GRAMD1B: variants seen among roughly 807,000 people sequenced by gnomAD.
The protein encoded by GRAMD1B is GRAM domain containing 1B.
A neutral mutation model predicts 99.7 loss-of-function variants in GRAMD1B; 37 were observed. The ratio of observed to expected loss-of-function variants is 0.37; its 90% CI spans 0.29 to 0.49. The LOEUF is 0.49. Ranked by LOEUF, GRAMD1B falls within the 20% of genes least tolerant of loss-of-function variation. The pLI is 0.98. For synonymous variants in GRAMD1B, 427 were observed against 387.6 expected (o/e 1.10, Z -1.19); for missense variants, 888 against 1,009.2 (o/e 0.88, Z 1.63).
At chr11:123,438,895 G>A (rs1025290784) in intron 1 of GRAMD1B, among the ~76,000 whole-genome samples, 1 of 152,212 alleles carries the variant, frequency 6.6e-6, no homozygotes, top group Admixed American at 6.5e-5. Flanking sequence ...GACCCCAGTG[G>A]GCAAACTGCT....
At chr11:123,441,292 C>T (rs890506282) in intron 1 of GRAMD1B, among the ~76,000 whole-genome samples, 2 of 152,068 alleles carry the variant, frequency 1.3e-5, no homozygotes, top group Non-Finnish European at 2.9e-5. Context: ...GAGATCCTCC[C>T]CCACAGCCCA....
At chr11:123,491,957 C>G (rs1483578631) in intron 2 of GRAMD1B, 4 of 399,162 alleles carry the variant, frequency 1.0e-5, no homozygotes. Flanking sequence ...TTCTGCGAGC[C>G]AAGTAGGTGG....
intron 1 of GRAMD1B, among the ~76,000 whole-genome samples, chr11:123,462,174 A>G (rs570549192): frequency 2.9e-4 from 44 of 151,176 alleles, no homozygotes; most frequent in East Asian, 7.9e-4. Context: ...TCACCATGTT[A>G]GCCAGGATGG....
At chr11:123,513,578 T>TC (rs1941298513) in intron 2 of GRAMD1B, among the ~76,000 whole-genome samples, 1 of 41,672 alleles carries the variant, frequency 2.4e-5, no homozygotes, top group African/African-American at 9.3e-5. Flanking sequence ...CCTTCCTTCC[T>TC]TTCCTTCCTT....
At chr11:123,405,610 A>G (rs1408499384) in intron 1 of GRAMD1B, among the ~76,000 whole-genome samples, 1 of 152,068 alleles carries the variant, frequency 6.6e-6, no homozygotes, top group Non-Finnish European at 1.5e-5. Flanking sequence ...AGTTAGATGA[A>G]ACTTGACAGT....
At chr11:123,428,209 C>A (rs1052941997), upstream of GRAMD1B, among the ~76,000 whole-genome samples, 2 of 152,158 alleles carry the variant, frequency 1.3e-5, no homozygotes, top group Non-Finnish European at 2.9e-5. Context: ...GTTATCAGAT[C>A]CCTTGCAAAA....
chr11:123,501,640 T>A, intron 2 of GRAMD1B, among the ~76,000 whole-genome samples: 1 of 152,194 alleles, frequency 6.6e-6, no homozygotes, highest in Non-Finnish European at 1.5e-5. Flanking sequence ...TGAGCAAGTC[T>A]ATTAATGGCC....
intron 1 of GRAMD1B, among the ~76,000 whole-genome samples, chr11:123,378,638 C>T (rs767670981): frequency 1.2e-4 from 19 of 152,194 alleles, no homozygotes; most frequent in African/African-American, 1.4e-4. Context: ...TGTCATGGTT[C>T]GGCCTTTGAA....
chr11:123,520,728 G>A (rs1210809473), intron 2 of GRAMD1B, among the ~76,000 whole-genome samples: 8 of 144,704 alleles, frequency 5.5e-5, no homozygotes, highest in South Asian at 2.2e-4. Flanking sequence ...GCAGTGAGCC[G>A]TGATCATGCT....
intron 1 of GRAMD1B, among the ~76,000 whole-genome samples, chr11:123,370,778 A>G (rs987181487): frequency 6.6e-6 from 1 of 152,160 alleles, no homozygotes; most frequent in African/African-American, 2.4e-5. Flanking sequence ...TTGACTGGGG[A>G]CAAAGGAAAA....
intron 1 of GRAMD1B, among the ~76,000 whole-genome samples, chr11:123,383,846 A>G (rs1946969090): frequency 6.6e-6 from 1 of 151,666 alleles, no homozygotes; most frequent in African/African-American, 2.4e-5. Flanking sequence ...TAATGCATCT[A>G]TCCATCCATC....
intron 1 of GRAMD1B, among the ~76,000 whole-genome samples, chr11:123,384,503 C>A (rs1946992668): frequency 6.6e-6 from 1 of 152,184 alleles, no homozygotes; most frequent in Non-Finnish European, 1.5e-5. Flanking sequence ...TTCTTTCTTG[C>A]ACACAAGTGT....
intron 2 of GRAMD1B, among the ~76,000 whole-genome samples, chr11:123,548,353 T>C (rs371200086): frequency 0.22 from 26,041 of 120,550 alleles, 2,927 homozygotes; most frequent in Admixed American, 0.28. Context: ...CACACACATA[T>C]ATATATATAT....
In GRAMD1B at chr11:123,502,790, AAAAG is replaced by A. The variant is rs1303584394; in HGVS notation, c.452+21909_452+21912del. Among the ~76,000 whole-genome samples, 23 of 151,666 alleles carry A rather than the reference AAAAG, an allele frequency of 1.5e-4. No homozygotes were observed. The South Asian group carries it at 4.2e-3, about 28-fold the overall frequency. On this transcript the variant is annotated intron_variant, in intron 2 of 19. Coordinates refer to ENST00000635736, the MANE Select transcript of GRAMD1B (RefSeq NM_001387025.1). ...ACTCCATCTCAAAAAAAAAAAAAAA[AAAAG>A]AAAGAAAGAAAAAGAAAATGCACTT...
intron 2 of GRAMD1B, among the ~76,000 whole-genome samples, chr11:123,529,176 CAT>C (rs67154194): frequency 0.52 from 79,543 of 151,948 alleles, 21,401 homozygotes; most frequent in South Asian, 0.62. Flanking sequence ...ACCTCCGACA[CAT>C]GTGTACACGC....
chr11:123,606,371 T>C (rs1173786078), intron 10 of GRAMD1B, among the ~76,000 whole-genome samples: 1 of 152,200 alleles, frequency 6.6e-6, no homozygotes, highest in Non-Finnish European at 1.5e-5. Context: ...TCTGTGCATT[T>C]GGGGAGCTTG....
At chr11:123,393,115 G>A (rs546751929) in intron 1 of GRAMD1B, among the ~76,000 whole-genome samples, 2 of 152,318 alleles carry the variant, frequency 1.3e-5, no homozygotes, top group South Asian at 4.1e-4. Context: ...TAATTTGGAT[G>A]CTAGAAGGGA....
intron 2 of GRAMD1B, among the ~76,000 whole-genome samples, chr11:123,485,648 C>T (rs948098960): frequency 2.6e-5 from 4 of 151,092 alleles, no homozygotes; most frequent in Non-Finnish European, 5.9e-5. Flanking sequence ...TCCAGGTGTC[C>T]AGTAGAAAGC....
At chr11:123,520,985 G>A (rs1942154515) in intron 2 of GRAMD1B, among the ~76,000 whole-genome samples, 1 of 152,064 alleles carries the variant, frequency 6.6e-6, no homozygotes, top group Admixed American at 6.6e-5. Flanking sequence ...TATCCTTTCT[G>A]TTGATAGACA....
Sources: allele counts gnomAD v4.1 joint callset (sites outside exome capture counted in the v4.1 genomes callset), GRCh38; gene constraint gnomAD v4.1.1; transcripts MANE v1.5; gene names NCBI Gene and HGNC (gene_info 2026-07-23, HGNC 2026-07-21).